LRFN5: variants seen among roughly 807,000 people sequenced by gnomAD.
LRFN5 encodes leucine rich repeat and fibronectin type III domain containing 5.
Under a neutral mutation model 45.6 loss-of-function variants are expected in LRFN5, and 24 were observed. That is an observed-to-expected ratio of 0.53 (90% CI 0.38 to 0.74). The LOEUF (loss-of-function observed/expected upper bound fraction) is 0.74. Ranked by LOEUF, LRFN5 falls within the 30% of genes least tolerant of loss-of-function variation. The probability of loss-of-function intolerance (pLI) is 0.00; values close to 1 mark genes in which losing one functional copy is unlikely to be tolerated. For missense variants in LRFN5, 776 were observed against 861.5 expected, an observed-to-expected ratio of 0.90 and a Z score of 1.24; for synonymous variants, 340 against 313.8, an observed-to-expected ratio of 1.08 and a Z score of -0.88.
rs770778078 is a variant in LRFN5 at position 41,899,010 on chromosome 14, A to G, written c.2142+50A>G. On this transcript the variant is annotated intron_variant, in intron 5 of 5. Coordinates refer to ENST00000298119, the MANE Select transcript of LRFN5 (RefSeq NM_152447.5). ...TACTTCAACACTTAAATGGGTATAC[A>G]CTTTTTATAAATTAACTTTAAGTAA... 3 of 1,397,592 alleles carry G rather than the reference A, an allele frequency of 2.1e-6. No homozygotes were observed. In the Admixed American group the frequency reaches 6.9e-5, roughly 32 times the overall value. The allele number at this position is 1,397,592 out of a possible 1,614,324, so 86.6% of individuals were successfully genotyped here. A position where few individuals can be genotyped will look rare whatever the true frequency, so the allele number is the denominator to read the frequency against.
chr14:41,833,437 C>A (rs1373666001), intron 2 of LRFN5, among the ~76,000 whole-genome samples: 2 of 152,196 alleles, frequency 1.3e-5, no homozygotes, highest in African/African-American at 4.8e-5. Context: ...TATTTCAAAT[C>A]TTTAACCATC....
intron 1 of LRFN5, among the ~76,000 whole-genome samples, chr14:41,755,078 A>G (rs1885312828): frequency 6.6e-6 from 1 of 152,008 alleles, no homozygotes; most frequent in South Asian, 2.1e-4. Context: ...AGCAGTTTTG[A>G]GTGAGTTTCT....
chr14:41,777,634 G>A (rs747098330), intron 2 of LRFN5, among the ~76,000 whole-genome samples: 1 of 151,578 alleles, frequency 6.6e-6, no homozygotes, highest in Admixed American at 6.6e-5. Flanking sequence ...TCATCTAATT[G>A]AGCATGCTAG....
intron 1 of LRFN5, among the ~76,000 whole-genome samples, chr14:41,659,167 A>T (rs1880514860): frequency 6.6e-6 from 1 of 151,980 alleles, no homozygotes; most frequent in South Asian, 2.1e-4. Context: ...CCCATCATCT[A>T]CATTAGGTAT....
chr14:41,709,002 G>A (rs1883178955), intron 1 of LRFN5, among the ~76,000 whole-genome samples: 1 of 151,770 alleles, frequency 6.6e-6, no homozygotes, highest in Non-Finnish European at 1.5e-5. Flanking sequence ...TATTCATTAG[G>A]ATATGAACGT....
chr14:41,893,958 A>G (rs10142438), intron 4 of LRFN5: 655,563 of 983,748 alleles, frequency 0.67, 219,181 homozygotes, highest in Middle Eastern at 0.82. Context: ...AGTGAAATAT[A>G]TTTTCAGTAC....
At chr14:41,795,737 G>A (rs1378839835) in intron 2 of LRFN5, among the ~76,000 whole-genome samples, 1 of 151,688 alleles carries the variant, frequency 6.6e-6, no homozygotes, top group Non-Finnish European at 1.5e-5. Flanking sequence ...GAAAACACTT[G>A]GACACAGAGT....
At chr14:41,808,753 G>A (rs536090156) in intron 2 of LRFN5, among the ~76,000 whole-genome samples, 177 of 152,156 alleles carry the variant, frequency 1.2e-3, no homozygotes, top group Non-Finnish European at 1.9e-3. Context: ...TGAATTAGAT[G>A]TGTGTCATTT....
rs1032874290 is a variant in LRFN5 at position 41,629,543 on chromosome 14, G to A, written c.-197+20981G>A. On this transcript the variant is annotated intron_variant, in intron 1 of 5. Coordinates refer to ENST00000298119, the MANE Select transcript of LRFN5 (RefSeq NM_152447.5). ...TCCTAATTGTATAGTCAGTGTAGCC[G>A]ATACAAATATTGTTCAAGGATAACT... is the stretch of plus-strand genomic sequence containing the variant. Among the ~76,000 whole-genome samples the A allele has an allele frequency of 6.6e-5, 10 of 152,256 alleles. No individual in the cohort carries two copies. The East Asian group carries it at 7.7e-4, about 12-fold the overall frequency.
intron 2 of LRFN5, among the ~76,000 whole-genome samples, chr14:41,803,381 A>G (rs1160570272): frequency 6.6e-6 from 1 of 151,672 alleles, no homozygotes; most frequent in Non-Finnish European, 1.5e-5. Context: ...AGACAGGGTC[A>G]CACTCTGTCA....
intron 2 of LRFN5, among the ~76,000 whole-genome samples, chr14:41,775,357 T>G (rs1174069308): frequency 6.6e-6 from 1 of 152,000 alleles, no homozygotes; most frequent in Non-Finnish European, 1.5e-5. Context: ...CCAAAGTGCT[T>G]GTATTACAGG....
chr14:41,890,619 A>G (rs1017971232), intron 3 of LRFN5, among the ~76,000 whole-genome samples: 7 of 151,280 alleles, frequency 4.6e-5, no homozygotes, highest in Non-Finnish European at 1.0e-4. Flanking sequence ...AGGCAGGAGA[A>G]TGGCGTGAAC....
chr14:41,724,810 T>A (rs1883862740), intron 1 of LRFN5, among the ~76,000 whole-genome samples: 1 of 152,230 alleles, frequency 6.6e-6, no homozygotes, highest in African/African-American at 2.4e-5. Context: ...CAGTTCTTCA[T>A]TCATCTTTGT....
At chr14:41,869,595 T>A (rs887165573) in intron 2 of LRFN5, among the ~76,000 whole-genome samples, 5 of 152,126 alleles carry the variant, frequency 3.3e-5, no homozygotes, top group African/African-American at 9.7e-5. Flanking sequence ...GATAAAGATG[T>A]ACCCAAGACT....
chr14:41,656,744 G>A (rs922212280), intron 1 of LRFN5, among the ~76,000 whole-genome samples: 1 of 151,968 alleles, frequency 6.6e-6, no homozygotes, highest in South Asian at 2.1e-4. Context: ...TCCTTTATAG[G>A]GGAGGAAGAG....
chr14:41,656,369 C>A (rs183155450), intron 1 of LRFN5, among the ~76,000 whole-genome samples: 1 of 151,960 alleles, frequency 6.6e-6, no homozygotes, highest in East Asian at 1.9e-4. Context: ...TGAATTTGAA[C>A]GCATTAGTTA....
chr14:41,715,165 A>G (rs1410488477), intron 1 of LRFN5, among the ~76,000 whole-genome samples: 2 of 152,196 alleles, frequency 1.3e-5, no homozygotes, highest in African/African-American at 4.8e-5. Flanking sequence ...GAGAGAAAAC[A>G]TCTTCAAAAT....
intron 1 of LRFN5, among the ~76,000 whole-genome samples, chr14:41,709,735 G>C (rs1883209273): frequency 6.6e-6 from 1 of 151,940 alleles, no homozygotes; most frequent in East Asian, 1.9e-4. Context: ...AGCCAAAATA[G>C]CATAATAGGA....
At chr14:41,652,280 T>A (rs761338268) in intron 1 of LRFN5, among the ~76,000 whole-genome samples, 10 of 152,236 alleles carry the variant, frequency 6.6e-5, no homozygotes, top group Admixed American at 1.3e-4. Context: ...TTATATCATT[T>A]CTATGATATT....
Sources: allele counts gnomAD v4.1 joint callset (sites outside exome capture counted in the v4.1 genomes callset), GRCh38; gene constraint gnomAD v4.1.1; transcripts MANE v1.5; gene names NCBI Gene and HGNC (gene_info 2026-07-23, HGNC 2026-07-21).